RIMS3: variants seen among roughly 807,000 people sequenced by gnomAD.
The protein encoded by RIMS3 is regulating synaptic membrane exocytosis protein 3.
A neutral mutation model predicts 29.2 loss-of-function variants in RIMS3; 15 were observed. That is an observed-to-expected ratio of 0.51 (90% CI 0.34 to 0.79). The LOEUF is 0.79. Among genes scored for constraint, RIMS3 ranks in the 30% least tolerant of loss-of-function variants. The pLI, the probability that RIMS3 is intolerant of heterozygous loss-of-function variation, is 0.01. For missense variants in RIMS3, 342 were observed against 421.4 expected (o/e 0.81, Z 1.65); for synonymous variants, 161 against 170.1 (o/e 0.95, Z 0.41).
In RIMS3 at chr1:40,628,793, T is replaced by C. The variant is rs1249508836; in HGVS notation, c.714+17A>G. 3 of 1,614,028 alleles carry C rather than the reference T, an allele frequency of 1.9e-6. No individual in the cohort carries two copies. Among genetic ancestry groups the C allele is most frequent in the African/African-American group, 2.7e-5 (2 of 74,918 alleles). Reference sequence around the variant, plus strand: ...GTCTGTGAGTCCACCCTGCCCTACTTGCCCTGTGACACCCACCTGCAGCAC... The same window carrying C: ...GTCTGTGAGTCCACCCTGCCCTACTCGCCCTGTGACACCCACCTGCAGCAC... On this transcript the variant is annotated intron_variant, in intron 7 of 7. Coordinates refer to ENST00000372684, the MANE Select transcript of RIMS3 (RefSeq NM_014747.3).
In RIMS3 at chr1:40,636,975, G is replaced by T. The variant is rs1359824372; in HGVS notation, c.218-918C>A. ...GATGGGGGAGATGGCCTGAGGGTTTGCAGGGACTTCCCCCGCTGAAGCTTG... is the reference window on the plus strand; with the variant it reads ...GATGGGGGAGATGGCCTGAGGGTTTTCAGGGACTTCCCCCGCTGAAGCTTG... On this transcript the variant is annotated intron_variant, in intron 3 of 7. Coordinates refer to ENST00000372684, the MANE Select transcript of RIMS3 (RefSeq NM_014747.3). The surrounding 1 kb of genome is among the most constrained non-coding windows in gnomAD (Gnocchi z 4.2). Among the ~76,000 whole-genome samples, 1 of 152,204 alleles carries T rather than the reference G, an allele frequency of 6.6e-6. No homozygotes were observed. The highest frequency in any genetic ancestry group is 1.5e-5 in the Non-Finnish European group (1 of 68,038).
chr1:40,668,366 G>C (rs1391506169), upstream of RIMS3, among the ~76,000 whole-genome samples: 1 of 151,522 alleles, frequency 6.6e-6, no homozygotes, highest in East Asian at 1.9e-4. Flanking sequence ...AGGCTGCAGT[G>C]AGCTGTGATC....
At chr1:40,684,390 C>T in the RIMS3 span, among the ~76,000 whole-genome samples, 2 of 152,242 alleles carry the variant, frequency 1.3e-5, no homozygotes, top group Admixed American at 1.3e-4. Context: ...TCAAGATCTC[C>T]AGAAGAAAAA....
the RIMS3 span, among the ~76,000 whole-genome samples, chr1:40,676,199 G>C: frequency 6.6e-6 from 1 of 152,180 alleles, no homozygotes; most frequent in Non-Finnish European, 1.5e-5. Context: ...GCAGCCCAAT[G>C]AGCCTGACTC....
the RIMS3 span, among the ~76,000 whole-genome samples, chr1:40,680,483 C>T: frequency 6.6e-6 from 1 of 152,002 alleles, no homozygotes. Flanking sequence ...AGGTGTCTGC[C>T]ACCATACCCG....
intron 1 of RIMS3, among the ~76,000 whole-genome samples, chr1:40,660,321 T>C (rs1283646886): frequency 1.3e-5 from 2 of 150,466 alleles, no homozygotes; most frequent in African/African-American, 2.4e-5. Flanking sequence ...TGAAGCTGAT[T>C]GTGAGACATC....
rs1646417405 is a variant in RIMS3, at chr1:40,620,952, G to A, written c.*5565C>T. The A allele has an allele frequency of 6.6e-6, 1 of 152,604 alleles. No individual in the cohort carries two copies. Among genetic ancestry groups the A allele is most frequent in the Non-Finnish European group, 1.5e-5 (1 of 68,050 alleles). The allele number at this position is 152,604 out of a possible 1,614,324, so 9.5% of individuals were successfully genotyped here. Reference sequence around the variant, plus strand: ...CCTATCAGCTATCTCTCTCTTTGCAGGATGCATTTGGAAAGTCTAAAAAAA... The same window carrying A: ...CCTATCAGCTATCTCTCTCTTTGCAAGATGCATTTGGAAAGTCTAAAAAAA... On this transcript the variant is annotated 3_prime_UTR_variant, in exon 8 of 8. Transcript: ENST00000372684.
intron 1 of RIMS3, among the ~76,000 whole-genome samples, chr1:40,662,290 C>G (rs1642363683): frequency 6.6e-6 from 1 of 152,180 alleles, no homozygotes; most frequent in South Asian, 2.1e-4. Context: ...AGTTCCCCTT[C>G]CTCATCCCTT....
At chr1:40,653,429 C>T (rs549841374) in intron 1 of RIMS3, among the ~76,000 whole-genome samples, 1 of 152,068 alleles carries the variant, frequency 6.6e-6, no homozygotes, top group Non-Finnish European at 1.5e-5. Flanking sequence ...ATATTGAGAC[C>T]GAGAAGAGGC....
At chr1:40,629,676 T>C (rs926985100) in intron 5 of RIMS3, among the ~76,000 whole-genome samples, 1 of 152,156 alleles carries the variant, frequency 6.6e-6, no homozygotes, top group East Asian at 1.9e-4. Context: ...TCTGTTTTAC[T>C]GAGCAGAATA....
At chr1:40,689,233 A>T in the RIMS3 span, among the ~76,000 whole-genome samples, 2 of 152,216 alleles carry the variant, frequency 1.3e-5, no homozygotes, top group Non-Finnish European at 2.9e-5. Flanking sequence ...TAATATGGCA[A>T]AATTGTAAGA....
At chr1:40,689,733 T>G in the RIMS3 span, among the ~76,000 whole-genome samples, 2 of 152,186 alleles carry the variant, frequency 1.3e-5, no homozygotes, top group African/African-American at 4.8e-5. Flanking sequence ...TAATAAAGAC[T>G]ATAGCAAGGA....
At chr1:40,668,196 A>AACTGAGATCGC (rs1642447961), upstream of RIMS3, among the ~76,000 whole-genome samples, 1 of 149,800 alleles carries the variant, frequency 6.7e-6, no homozygotes, top group Non-Finnish European at 1.5e-5. Flanking sequence ...GGTTGCAGTG[A>AACTGAGATCGC]ACTGAGATCG....
At chr1:40,690,494 A>C in the RIMS3 span, 1 of 152,030 alleles carries the variant, frequency 6.6e-6, no homozygotes, top group Non-Finnish European at 1.5e-5. Flanking sequence ...ACATTATTTC[A>C]TTCACTCTCC....
At chr1:40,652,654 C>T (rs111919231) in intron 1 of RIMS3, among the ~76,000 whole-genome samples, 4 of 152,124 alleles carry the variant, frequency 2.6e-5, no homozygotes, top group African/African-American at 4.8e-5. Flanking sequence ...GGTACAACTG[C>T]GGAACAGAGG....
At chr1:40,671,807 G>A in the RIMS3 span, among the ~76,000 whole-genome samples, 4 of 145,312 alleles carry the variant, frequency 2.8e-5, no homozygotes, top group Non-Finnish European at 4.5e-5. Flanking sequence ...CCTAGGCTTA[G>A]GCTGGAGTGC....
At position 40,626,646 on chromosome 1, in the gene RIMS3, G is replaced by A; in HGVS notation, c.798C>T (p.Leu266=). 6.2e-7 allele frequency: 1 copy of A among 1,614,226 alleles called. No individual in the cohort carries two copies. Among genetic ancestry groups the A allele is most frequent in the Non-Finnish European group, 8.5e-7 (1 of 1,180,044 alleles). Residue 266 remains leucine, a synonymous_variant, in exon 8 of 8, where the codon CTC becomes CTT. Transcript: ENST00000372684. ...TGTACCAGCCGGTGACCGCGGCGCT[G>A]AGGTCCAGCTCGTCCAGCATGATCT... ...MAQIMLDELD[L]SAAVTGWYKL...
rs1009869670 is a variant in RIMS3, at chr1:40,623,691, C to T, written c.*2826G>A. The T allele has an allele frequency of 2.6e-6, 1 of 384,686 alleles. No homozygotes were observed. The highest frequency in any genetic ancestry group is 4.5e-6 in the Non-Finnish European group (1 of 221,360). 23.8% of individuals were successfully genotyped at this position (384,686 alleles called of 1,614,324 possible). The stretch of plus-strand genomic sequence containing the variant: ...CCCCCGTCCTCAAACAGCAGATGCT[C>T]CCCCACCCCAGCAAACAACCAGGAG... On this transcript the variant is annotated 3_prime_UTR_variant, in exon 8 of 8. Coordinates refer to ENST00000372684, the MANE Select transcript of RIMS3 (RefSeq NM_014747.3).
At position 40,623,043 on chromosome 1, in the gene RIMS3, A is replaced by T; in HGVS notation, c.*3474T>A. ...CAGGCATGCTTCCCTGGTGGGTGGCATGACCATGGGAGGACTGGCTTGACC... is the reference window on the plus strand; with the variant it reads ...CAGGCATGCTTCCCTGGTGGGTGGCTTGACCATGGGAGGACTGGCTTGACC... On this transcript the variant is annotated 3_prime_UTR_variant, in exon 8 of 8. Transcript: ENST00000372684. 4.9e-6 allele frequency: 1 copy of T among 203,720 alleles called. No individual in the cohort carries two copies. The highest frequency in any genetic ancestry group is 9.8e-6 in the Non-Finnish European group (1 of 102,142). The allele number at this position is 203,720 out of a possible 1,614,324, so 12.6% of individuals were successfully genotyped here.
Sources: allele counts gnomAD v4.1 joint callset (sites outside exome capture counted in the v4.1 genomes callset), GRCh38; gene constraint gnomAD v4.1.1; non-coding constraint Gnocchi (gnomAD v3.1); transcripts MANE v1.5; gene names NCBI Gene and HGNC (gene_info 2026-07-23, HGNC 2026-07-21).